The following TBCK variants were observed in gnomAD, a reference collection of about 807,000 sequenced individuals.
The protein encoded by TBCK is TBC domain-containing protein kinase-like protein.
A neutral mutation model predicts 113.4 loss-of-function variants in TBCK; 99 were observed. The observed-to-expected ratio is 0.87, with a 90% CI of 0.74 to 1.03. The LOEUF is 1.03. TBCK is among the 50% of genes least tolerant of loss of function. TBCK has a pLI of 0.00. For missense variants in TBCK, 1,045 were observed against 1,061.3 expected (o/e 0.98, Z 0.21); for synonymous variants, 369 against 370.8 (o/e 1.00, Z 0.05).
chr4:106,179,074 T>C (rs1403637773), intron 22 of TBCK, among the ~76,000 whole-genome samples: 4 of 152,024 alleles, frequency 2.6e-5, no homozygotes, highest in Admixed American at 6.6e-5. Context: ...GTAGTATAAT[T>C]TGTCTGCATT....
intron 23 of TBCK, among the ~76,000 whole-genome samples, chr4:106,165,512 T>C (rs1474897361): frequency 2.0e-5 from 3 of 151,800 alleles, no homozygotes; most frequent in African/African-American, 7.2e-5. Context: ...TGTAAAGTGA[T>C]AGTAATGAGC....
intron 2 of TBCK, among the ~76,000 whole-genome samples, chr4:106,307,838 C>T (rs1031667305): frequency 6.6e-6 from 1 of 151,926 alleles, no homozygotes; most frequent in South Asian, 2.1e-4. Flanking sequence ...AATGAAAGAA[C>T]CTGATTACAC....
At chr4:106,247,701 T>C (rs1159223201) in intron 9 of TBCK, 1 of 157,890 alleles carries the variant, frequency 6.3e-6, no homozygotes, top group Non-Finnish European at 1.4e-5. Context: ...CTCTAACATG[T>C]CTTGATAAAG....
chr4:106,075,778 T>C (rs962988295), intron 25 of TBCK, among the ~76,000 whole-genome samples: 1 of 152,364 alleles, frequency 6.6e-6, no homozygotes, highest in African/African-American at 2.4e-5. Flanking sequence ...ACAAGGTCTG[T>C]TTATTAGATA....
At chr4:106,149,199 C>G (rs986341217) in intron 23 of TBCK, among the ~76,000 whole-genome samples, 1 of 152,212 alleles carries the variant, frequency 6.6e-6, no homozygotes, top group African/African-American at 2.4e-5. Flanking sequence ...CTATCCAGAC[C>G]ACTAAAACTT....
At chr4:106,102,274 G>T (rs1433945412) in intron 24 of TBCK, among the ~76,000 whole-genome samples, 4 of 152,140 alleles carry the variant, frequency 2.6e-5, no homozygotes, top group African/African-American at 4.8e-5. Flanking sequence ...CCCACATTGG[G>T]GTTTGGGTAG....
chr4:106,087,680 C>T (rs1026508699), intron 25 of TBCK, among the ~76,000 whole-genome samples: 2 of 152,192 alleles, frequency 1.3e-5, no homozygotes, highest in Non-Finnish European at 2.9e-5. Flanking sequence ...TGACTTCAAA[C>T]TATACTACAT....
intron 5 of TBCK, 142 bp from the exon 6 acceptor site, chr4:106,252,149 CCAT>C (rs1761506901): frequency 6.6e-6 from 4 of 609,176 alleles, no homozygotes; most frequent in East Asian, 2.9e-5. Flanking sequence ...TCTAAACTAA[CCAT>C]CATAATACAG....
In TBCK at chr4:106,120,479, C is replaced by T. The variant is rs866509838; in HGVS notation, c.2236-4101G>A. Among the ~76,000 whole-genome samples the T allele has an allele frequency of 1.4e-3, 206 of 152,296 alleles. 1 individual carries two copies. Among genetic ancestry groups the T allele is most frequent in the African/African-American group, 4.6e-3 (190 of 41,568 alleles). On this transcript the variant is annotated intron_variant, in intron 23 of 25. Coordinates refer to ENST00000394708, the MANE Select transcript of TBCK (RefSeq NM_001163435.3). ...GGAGCCCACCACAGCTCAAGGAGGC[C>T]TGCCTGCCTCTGTAGGCTCCACCTC...
At chr4:106,179,446 T>C (rs1318343901) in intron 22 of TBCK, among the ~76,000 whole-genome samples, 1 of 152,052 alleles carries the variant, frequency 6.6e-6, no homozygotes, top group African/African-American at 2.4e-5. Flanking sequence ...CATTTTCATT[T>C]GCACATTTTC....
At chr4:106,122,288 A>G (rs1744508280) in intron 23 of TBCK, among the ~76,000 whole-genome samples, 1 of 152,178 alleles carries the variant, frequency 6.6e-6, no homozygotes, top group South Asian at 2.1e-4. Flanking sequence ...AAATGGATAA[A>G]TTCCTCGACA....
intron 20 of TBCK, among the ~76,000 whole-genome samples, chr4:106,196,214 TAC>T (rs1230252615): frequency 6.6e-6 from 1 of 151,862 alleles, no homozygotes; most frequent in African/African-American, 2.4e-5. Context: ...TCGTTCTATA[TAC>T]ACACATATAG....
intron 25 of TBCK, among the ~76,000 whole-genome samples, chr4:106,062,477 C>T (rs1222535798): frequency 2.0e-5 from 3 of 151,842 alleles, no homozygotes; most frequent in African/African-American, 7.3e-5. Context: ...CTAGTAAACC[C>T]ACACTGTGTT....
At chr4:106,150,095 A>G (rs1031488539) in intron 23 of TBCK, among the ~76,000 whole-genome samples, 1 of 152,210 alleles carries the variant, frequency 6.6e-6, no homozygotes, top group Admixed American at 6.5e-5. Flanking sequence ...ACAGAATTAA[A>G]AGAGAGTTGC....
intron 3 of TBCK, among the ~76,000 whole-genome samples, chr4:106,294,233 C>T (rs1421202101): frequency 6.6e-6 from 1 of 151,916 alleles, no homozygotes; most frequent in Admixed American, 6.6e-5. Flanking sequence ...CTCTTTTGCC[C>T]AGGCTGGAGT....
intron 3 of TBCK, among the ~76,000 whole-genome samples, chr4:106,270,144 C>T (rs534900774): frequency 6.6e-6 from 1 of 152,234 alleles, no homozygotes; most frequent in Non-Finnish European, 1.5e-5. Flanking sequence ...TGAAACTATA[C>T]AATATATTTT....
chr4:106,071,340 T>C (rs1737407322), intron 25 of TBCK, among the ~76,000 whole-genome samples: 1 of 152,230 alleles, frequency 6.6e-6, no homozygotes. Context: ...TATTTCTGCC[T>C]TCATTTCATT....
At chr4:106,122,396 C>A (rs1461342115) in intron 23 of TBCK, among the ~76,000 whole-genome samples, 2 of 152,062 alleles carry the variant, frequency 1.3e-5, no homozygotes, top group African/African-American at 2.4e-5. Context: ...GTTTACCAAC[C>A]AAGAAGAGTC....
intron 20 of TBCK, among the ~76,000 whole-genome samples, chr4:106,211,723 T>C (rs1756157582): frequency 6.6e-6 from 1 of 151,994 alleles, no homozygotes; most frequent in Non-Finnish European, 1.5e-5. Flanking sequence ...CAATTAAAAA[T>C]TGCACTTAAG....
Sources: gnomAD v4.1 joint callset for allele counts (sites outside exome capture counted in the v4.1 genomes callset) on GRCh38, gnomAD v4.1.1 for gene constraint, MANE v1.5 for transcripts, NCBI Gene and HGNC (gene_info 2026-07-23, HGNC 2026-07-21) for gene names.